The following BOP1 variants were observed in gnomAD, a reference collection of about 807,000 sequenced individuals.
BOP1 encodes BOP1 ribosomal biogenesis factor, also known as ribosome biogenesis protein BOP1.
BOP1 carries 54 observed loss-of-function variants against 82.9 expected under a neutral mutation model. That is an observed-to-expected ratio of 0.65 (90% CI 0.52 to 0.82). BOP1 has a LOEUF of 0.82. Among genes scored for constraint, BOP1 ranks in the 40% least tolerant of loss-of-function variants. BOP1 has a pLI of 0.00. For synonymous variants in BOP1, 566 were observed against 451.1 expected (o/e 1.25, Z -3.23); for missense variants, 1,170 against 1,072.0 (o/e 1.09, Z -1.28).
intron 2 of BOP1, among the ~76,000 whole-genome samples, chr8:144,277,905 ATT>A (rs200503938): frequency 3.3e-5 from 3 of 92,296 alleles, no homozygotes; most frequent in Non-Finnish European, 8.2e-5. Flanking sequence ...CATTGAACGT[ATT>A]TTTTTTAACT....
intron 2 of BOP1, among the ~76,000 whole-genome samples, chr8:144,284,099 A>G (rs1463010073): frequency 2.6e-5 from 4 of 152,090 alleles, no homozygotes; most frequent in Non-Finnish European, 5.9e-5. Context: ...CCTGGGCGAC[A>G]GAGCGAGACT....
At chr8:144,290,268 G>A (rs984043617) in intron 1 of BOP1, among the ~76,000 whole-genome samples, 1 of 151,712 alleles carries the variant, frequency 6.6e-6, no homozygotes, top group Non-Finnish European at 1.5e-5. Context: ...TTAGCCAGGA[G>A]GTGGAAGCTG....
At position 144,291,381 on chromosome 8, in the gene BOP1, G is replaced by C. The variant is rs1417087654; in HGVS notation, c.-11C>G. 6.7e-6 allele frequency: 8 copies of C among 1,192,342 alleles called. No homozygotes were observed. In the Admixed American group the frequency reaches 2.8e-4, roughly 42 times the overall value. The allele number at this position is 1,192,342 out of a possible 1,614,324, so 73.9% of individuals were successfully genotyped here. ...CCGCGAACCCGCCATGCCCCACCGC[G>C]CGCCGGCCGCCACCCGCACAGCCGC... On this transcript the variant is annotated 5_prime_UTR_variant, in exon 1 of 16. Coordinates refer to ENST00000569669, the MANE Select transcript of BOP1 (RefSeq NM_015201.5). This position sits in a 1 kb window ranked among gnomAD's most constrained non-coding sequence, Gnocchi z 4.1.
Position 144,289,233 on chromosome 8 carries a change from T to C in BOP1, c.171A>G (p.Glu57=), listed in dbSNP as rs7836723. The C allele has an allele frequency of 0.99, 1,596,046 of 1,614,144 alleles. 790,573 individuals carry two copies. The highest frequency in any genetic ancestry group is 1 in the East Asian group (44,875 of 44,876). Residue 57 remains glutamate, a synonymous_variant, in exon 2 of 16, where the codon GAA becomes GAG. Transcript: ENST00000569669. ...GSDSGVSDSE[E]SVFSGLEDSG... ...AATCTTCCAGGCCTGAGAACACACT[T>C]TCCTCGCTGTCGGAGACGCCAGAAT...
chr8:144,269,459 T>C (rs1249801177), intron 3 of BOP1, among the ~76,000 whole-genome samples: 1 of 152,236 alleles, frequency 6.6e-6, no homozygotes, highest in Non-Finnish European at 1.5e-5. Context: ...GGCCCAGGAC[T>C]GCCCCTCCTC....
In BOP1 at chr8:144,268,489, G is replaced by A. The variant is rs1385313093; in HGVS notation, c.391-3418C>T. On this transcript the variant is annotated intron_variant, in intron 3 of 15. Coordinates refer to ENST00000569669, the MANE Select transcript of BOP1 (RefSeq NM_015201.5). ...AAAACAGTATCTTCCAAATATGGAGGCCAACTGTCCTCATGAAAGGTTCAG... is the reference window on the plus strand; with the variant it reads ...AAAACAGTATCTTCCAAATATGGAGACCAACTGTCCTCATGAAAGGTTCAG... The A allele has an allele frequency of 1.4e-5, 6 of 415,100 alleles. No individual in the cohort carries two copies. The East Asian group carries it at 1.5e-4, about 10-fold the overall frequency. The allele number at this position is 415,100 out of a possible 1,614,324, so 25.7% of individuals were successfully genotyped here.
At position 144,281,119 on chromosome 8, in the gene BOP1, G is replaced by GGTCTTCGGCCTTTTCTCAC. The variant is rs1845670493; in HGVS notation, c.310-4816_310-4815insGTGAGAAAAGGCCGAAGAC. Among the ~76,000 whole-genome samples, 3 of 46,148 alleles carry GGTCTTCGGCCTTTTCTCAC rather than the reference G, an allele frequency of 6.5e-5. 1 individual carries two copies. Among genetic ancestry groups the GGTCTTCGGCCTTTTCTCAC allele is most frequent in the African/African-American group, 2.0e-4 (2 of 9,870 alleles). The allele number at this position is 46,148 out of a possible 152,430, so 30.3% of individuals were successfully genotyped here. On this transcript the variant is annotated intron_variant, in intron 2 of 15. Transcript: ENST00000569669. ...ATACCAGGTCTTCGGCCTTCTCTCAGTTTAATACCAGGTCTTAGGCCTTCT... is the reference window on the plus strand; with the variant it reads ...ATACCAGGTCTTCGGCCTTCTCTCAGGTCTTCGGCCTTTTCTCACTTTAATACCAGGTCTTAGGCCTTCT...
chr8:144,262,401 C>T lies in BOP1; in HGVS notation c.2082G>A (p.Val694=), dbSNP rs1845220689. 2.5e-6 allele frequency: 4 copies of T among 1,612,622 alleles called. No homozygotes were observed. The highest frequency in any genetic ancestry group is 1.3e-5 in the African/African-American group (1 of 74,872). Residue 694 remains valine (V), a synonymous_variant, in exon 15 of 16, where the codon GTG becomes GTA. Transcript: ENST00000569669. ...CAGGCAGGGTCAGCACTCACTTGTA[C>T]ACCATGCCATGGCAGACGATGACAC... The part of the protein sequence containing the change: ...DGSVIVCHGM[V]YNDLLQNPLL...
intron 3 of BOP1, among the ~76,000 whole-genome samples, chr8:144,266,339 G>A (rs1005412284): frequency 6.8e-6 from 1 of 147,796 alleles, no homozygotes; most frequent in Non-Finnish European, 1.5e-5. Flanking sequence ...GGCCACAGAA[G>A]GCCGAGGGAC....
At chr8:144,289,950 G>C (rs1588612389) in intron 1 of BOP1, among the ~76,000 whole-genome samples, 1 of 152,320 alleles carries the variant, frequency 6.6e-6, no homozygotes, top group East Asian at 1.9e-4. Context: ...TCCTCTCTCT[G>C]AGCAGGACCA....
At chr8:144,276,881 GC>G (rs1845575054) in intron 2 of BOP1, among the ~76,000 whole-genome samples, 1 of 152,188 alleles carries the variant, frequency 6.6e-6, no homozygotes, top group Admixed American at 6.5e-5. Context: ...CCCAGAGAGG[GC>G]CCCGAACACT....
In BOP1 at chr8:144,263,025, C is replaced by A. The variant is rs781887177; in HGVS notation, c.1722G>T (p.Pro574=). The A allele has an allele frequency of 1.3e-6, 2 of 1,565,402 alleles. No homozygotes were observed. The highest frequency in any genetic ancestry group is 1.7e-6 in the Non-Finnish European group (2 of 1,163,966). The change falls in exon 13 of 16, where the codon CCG becomes CCT. Residue 574 remains proline, a synonymous_variant. Transcript: ENST00000569669. ...GCACCTGTCCGTGGCTGCGGCGGAA[C>A]GGACTCTGGCTGCGGCGACGGCTCA... ...HQLSRRRSQS[P]FRRSHGQVQR...
At chr8:144,278,004 A>G (rs903475562) in intron 2 of BOP1, among the ~76,000 whole-genome samples, 1 of 152,228 alleles carries the variant, frequency 6.6e-6, no homozygotes, top group Non-Finnish European at 1.5e-5. Context: ...TCCTGGGGAC[A>G]GGACCCCCTC....
intron 2 of BOP1, among the ~76,000 whole-genome samples, chr8:144,283,201 C>CAAAAAAAAAAAAAAAAAAAAAAAAAAAA (rs60868806): frequency 1.8e-5 from 1 of 54,346 alleles, no homozygotes; most frequent in African/African-American, 1.4e-4. Context: ...AACTCCATCT[C>CAAAAAAAAAAAAAAAAAAAAAAAAAAAA]AAAAAAAAAA....
rs1163375979 is a variant in BOP1, at chr8:144,262,806, C to A, written c.1894+47G>T. 7.0e-6 allele frequency: 3 copies of A among 427,814 alleles called. 1 individual carries two copies. Among genetic ancestry groups the A allele is most frequent in the East Asian group, 5.0e-5 (1 of 19,926 alleles). 26.5% of individuals were successfully genotyped at this position (427,814 alleles called of 1,614,324 possible). On this transcript the variant is annotated intron_variant, in intron 13 of 15. Transcript: ENST00000569669. ...CCCCTCACCTGCAGGGTACACCGCC[C>A]CCCCCCCCACCCCTCACCTGCAGGG...
chr8:144,266,747 C>T, intron 3 of BOP1: 3 of 1,081,708 alleles, frequency 2.8e-6, no homozygotes, highest in South Asian at 2.8e-5. Flanking sequence ...GTGCACGCGG[C>T]GCGCTGCGGC....
chr8:144,267,068 C>G (rs1845388146), intron 3 of BOP1: 1 of 1,407,892 alleles, frequency 7.1e-7, no homozygotes, highest in Non-Finnish European at 9.2e-7. Context: ...TTCTTCCACG[C>G]GGCGCGCGCC....
intron 2 of BOP1, among the ~76,000 whole-genome samples, chr8:144,277,443 C>T (rs1403937887): frequency 3.3e-5 from 5 of 152,338 alleles, no homozygotes; most frequent in South Asian, 2.1e-4. Context: ...CACCCGGCTG[C>T]GGTCGGCTGC....
At position 144,262,911 on chromosome 8, in the gene BOP1, G is replaced by A. The variant is rs1160695394; in HGVS notation, c.1836C>T (p.Leu612=). ...TGCAGTTGGGCATCAGCTTCTTGGT[G>A]AGCTCCTGGCGCAGCAGGTGGTAGA... ...VRLYHLLRQE[L]TKKLMPNCKW... is the part of the protein sequence containing the mutation. Residue 612 remains leucine, a synonymous_variant, in exon 13 of 16, where the codon CTC becomes CTT. Transcript: ENST00000569669. 1.3e-6 allele frequency: 2 copies of A among 1,551,784 alleles called. No individual in the cohort carries two copies. The highest frequency in any genetic ancestry group is 1.7e-6 in the Non-Finnish European group (2 of 1,155,974).
Sources: gnomAD v4.1 joint callset for allele counts (sites outside exome capture counted in the v4.1 genomes callset) on GRCh38, gnomAD v4.1.1 for gene constraint, Gnocchi (gnomAD v3.1) non-coding constraint, MANE v1.5 for transcripts, NCBI Gene and HGNC (gene_info 2026-07-23, HGNC 2026-07-21) for gene names.